Variants in FAT3 observed in about 807,000 individuals in gnomAD.
FAT3 encodes the protein protocadherin Fat 3.
Under a neutral mutation model 310.2 loss-of-function variants are expected in FAT3, and 95 were observed. The observed-to-expected ratio is 0.31, with a 90% CI of 0.26 to 0.36. The LOEUF (loss-of-function observed/expected upper bound fraction) is 0.36. Among genes scored for constraint, FAT3 ranks in the 10% least tolerant of loss-of-function variants. The pLI is 1.00. For synonymous variants in FAT3, 2,314 were observed against 2,192.9 expected (o/e 1.06, Z -1.54); for missense variants, 5,408 against 5,715.6 (o/e 0.95, Z 1.74).
chr11:92,607,646 AC>A (rs1463471345), intron 3 of FAT3, among the ~76,000 whole-genome samples: 1 of 152,190 alleles, frequency 6.6e-6, no homozygotes. Flanking sequence ...AGTAGGATAA[AC>A]AATTCAAATG....
intron 4 of FAT3, among the ~76,000 whole-genome samples, chr11:92,715,782 A>T (rs1455774770): frequency 6.6e-6 from 1 of 151,966 alleles, no homozygotes; most frequent in Non-Finnish European, 1.5e-5. Flanking sequence ...AGAAGAGGGG[A>T]GACTTGACCT....
At chr11:92,497,027 G>A (rs1952789068) in intron 2 of FAT3, among the ~76,000 whole-genome samples, 2 of 152,046 alleles carry the variant, frequency 1.3e-5, no homozygotes, top group Non-Finnish European at 2.9e-5. Flanking sequence ...CTTGGATCAA[G>A]TGTATTTCGA....
At chr11:92,239,652 T>G (rs1864588596) in intron 1 of FAT3, among the ~76,000 whole-genome samples, 1 of 152,128 alleles carries the variant, frequency 6.6e-6, no homozygotes. Context: ...TCTGAATGAC[T>G]GTTATGCAGT....
intron 3 of FAT3, among the ~76,000 whole-genome samples, chr11:92,575,747 C>G (rs1938447568): frequency 6.6e-6 from 1 of 152,120 alleles, no homozygotes; most frequent in Non-Finnish European, 1.5e-5. Context: ...TCCCTCTTCC[C>G]TGAGAGGGGG....
intron 2 of FAT3, among the ~76,000 whole-genome samples, chr11:92,493,863 GA>G (rs1301078401): frequency 6.6e-6 from 1 of 152,004 alleles, no homozygotes; most frequent in Non-Finnish European, 1.5e-5. Flanking sequence ...CATGGGAAGT[GA>G]AGACACCAGG....
intron 3 of FAT3, among the ~76,000 whole-genome samples, chr11:92,601,333 G>T (rs1345442810): frequency 6.6e-6 from 1 of 151,266 alleles, no homozygotes. Context: ...GCTGAGGCGG[G>T]CAGATCACCT....
chr11:92,429,559 T>C (rs1051196745), intron 2 of FAT3, among the ~76,000 whole-genome samples: 2 of 152,204 alleles, frequency 1.3e-5, no homozygotes, highest in Non-Finnish European at 2.9e-5. Context: ...TCAGGAGCTC[T>C]TGTAAGGCAG....
At position 92,818,859 on chromosome 11, in the gene FAT3, C is replaced by T. The variant is rs563508782; in HGVS notation, c.9481+8783C>T. Among the ~76,000 whole-genome samples, 40 of 152,318 alleles carry T rather than the reference C, an allele frequency of 2.6e-4. 1 individual carries two copies. In the South Asian group the frequency reaches 7.7e-3, roughly 29 times the overall value. On this transcript the variant is annotated intron_variant, in intron 13 of 27. Coordinates refer to ENST00000525166, the MANE Select transcript of FAT3 (RefSeq NM_001367949.2). ...CCCTGTTCTGAGCTCCTGCGCATGT[C>T]CTGATTATCCCGACAGAGAGCTGCA...
chr11:92,414,970 A>G (rs964245917), intron 2 of FAT3, among the ~76,000 whole-genome samples: 1 of 151,328 alleles, frequency 6.6e-6, no homozygotes, highest in African/African-American at 2.4e-5. Flanking sequence ...AGATCCTGCC[A>G]CTGCACTCCA....
At chr11:92,716,723 T>C (rs1320243107) in intron 4 of FAT3, among the ~76,000 whole-genome samples, 4 of 152,152 alleles carry the variant, frequency 2.6e-5, no homozygotes, top group African/African-American at 9.7e-5. Context: ...CCAGGGTCAC[T>C]TTGATGAATA....
chr11:92,865,058 G>A (rs1165995351), intron 21 of FAT3, among the ~76,000 whole-genome samples: 5 of 152,184 alleles, frequency 3.3e-5, no homozygotes. Context: ...CAGGGTACCT[G>A]AGTGGTACAT....
chr11:92,837,593 T>C, intron 16 of FAT3, 70 bp from the exon 17 acceptor site: 1 of 1,565,860 alleles, frequency 6.4e-7, no homozygotes, highest in Non-Finnish European at 8.7e-7. Flanking sequence ...GTAGCTCCAG[T>C]TCCTCTGTGT....
At chr11:92,497,076 G>A (rs570729515) in intron 2 of FAT3, among the ~76,000 whole-genome samples, 5 of 152,112 alleles carry the variant, frequency 3.3e-5, no homozygotes, top group African/African-American at 1.2e-4. Flanking sequence ...AGTAGCATTT[G>A]TCTGGAGTTT....
intron 2 of FAT3, among the ~76,000 whole-genome samples, chr11:92,421,607 G>A (rs1403376886): frequency 6.6e-6 from 1 of 152,216 alleles, no homozygotes; most frequent in Admixed American, 6.5e-5. Context: ...TCTCTAAGCA[G>A]ACTTGAAGAG....
chr11:92,790,508 T>C (rs1485119826), intron 8 of FAT3, among the ~76,000 whole-genome samples: 2 of 152,200 alleles, frequency 1.3e-5, no homozygotes, highest in Non-Finnish European at 2.9e-5. Flanking sequence ...CAGGTCATGT[T>C]CCCAGGCTCT....
intron 2 of FAT3, among the ~76,000 whole-genome samples, chr11:92,489,035 A>T (rs1591359211): frequency 6.6e-6 from 1 of 152,140 alleles, no homozygotes. Flanking sequence ...AGTGCATAGT[A>T]CTATGCCTGG....
At chr11:92,875,842 G>A (rs1240308487) in intron 22 of FAT3, among the ~76,000 whole-genome samples, 1 of 152,102 alleles carries the variant, frequency 6.6e-6, no homozygotes, top group African/African-American at 2.4e-5. Context: ...TGATGAAAAC[G>A]GCAAAATTCA....
intron 1 of FAT3, among the ~76,000 whole-genome samples, chr11:92,326,695 G>A (rs1449516375): frequency 6.6e-6 from 1 of 152,176 alleles, no homozygotes; most frequent in Non-Finnish European, 1.5e-5. Flanking sequence ...AACCCACTCT[G>A]CTGGGACCAG....
At chr11:92,717,644 A>AT (rs1035925071) in intron 4 of FAT3, among the ~76,000 whole-genome samples, 2 of 152,234 alleles carry the variant, frequency 1.3e-5, no homozygotes, top group Non-Finnish European at 2.9e-5. Context: ...TTTATGCAAG[A>AT]TTTTTTTCCT....
Sources: gnomAD v4.1 joint callset for allele counts (sites outside exome capture counted in the v4.1 genomes callset) on GRCh38, gnomAD v4.1.1 for gene constraint, MANE v1.5 for transcripts, NCBI Gene and HGNC (gene_info 2026-07-23, HGNC 2026-07-21) for gene names.